The following HPS3 variants were observed in gnomAD, a reference collection of about 807,000 sequenced individuals.
HPS3 encodes BLOC-2 complex member HPS3.
A neutral mutation model predicts 110.9 loss-of-function variants in HPS3; 79 were observed. The ratio of observed to expected loss-of-function variants is 0.71; its 90% confidence interval spans 0.59 to 0.86. The LOEUF (loss-of-function observed/expected upper bound fraction) is 0.86. HPS3 is among the 40% of genes least tolerant of loss of function. The pLI, the probability that HPS3 is intolerant of heterozygous loss-of-function variation, is 0.00. For missense variants in HPS3, 1,197 were observed against 1,206.2 expected, an observed-to-expected ratio of 0.99 and a Z score of 0.11; for synonymous variants, 428 against 451.0, an observed-to-expected ratio of 0.95 and a Z score of 0.65.
At position 149,167,170 on chromosome 3, in the gene HPS3, A is replaced by T. The variant is rs1235325378; in HGVS notation, c.2726A>T (p.Asp909Val). 1 of 1,613,878 alleles carries T rather than the reference A, an allele frequency of 6.2e-7. No homozygotes were observed. The highest frequency in any genetic ancestry group is 2.2e-5 in the East Asian group (1 of 44,872). The change falls in exon 15 of 17, where the codon GAC (aspartate) becomes GTC (valine). Residue 909 changes from aspartate (D) to valine (V), a missense_variant. Physicochemically the swap from Asp to Val is radical, Grantham distance 152. Coordinates refer to ENST00000296051, the MANE Select transcript of HPS3 (RefSeq NM_032383.5). ...TTGAAAGAGTATGAACAGTGCATAG[A>T]CATACTGTTAGAGAGATGCCCGGAG... The part of the protein sequence containing the change: ...TRLKEYEQCI[D>V]ILLERCPEAV...
intron 5 of HPS3, among the ~76,000 whole-genome samples, chr3:149,148,885 T>G (rs534068776): frequency 6.6e-6 from 1 of 152,012 alleles, no homozygotes; most frequent in African/African-American, 2.4e-5. Context: ...CATTTCTGCT[T>G]AGGATTCCAA....
Position 149,153,379 on chromosome 3 carries a change from T to TGGGTATGGGATGGTGGCAGC in HPS3, c.1246-114_1246-95dup, listed in dbSNP as rs1576681458. On this transcript the variant is annotated intron_variant, in intron 6 of 16. Transcript: ENST00000296051. ...TTGTTTGTTTGTTTTTTGGTGGTGG[T>TGGGTATGGGATGGTGGCAGC]GGGTATGGGATGGTGGCAGCAGAAG... 7 of 861,448 alleles carry TGGGTATGGGATGGTGGCAGC rather than the reference T, an allele frequency of 8.1e-6. No homozygotes were observed. The East Asian group carries it at 1.7e-4, about 21-fold the overall frequency. The allele number at this position is 861,448 out of a possible 1,614,324, so 53.4% of individuals were successfully genotyped here.
chr3:149,160,573 C>CTGGCATGA (rs1285401751), intron 11 of HPS3, among the ~76,000 whole-genome samples: 3 of 152,206 alleles, frequency 2.0e-5, no homozygotes, highest in Non-Finnish European at 2.9e-5. Context: ...ACGATGTGAT[C>CTGGCATGA]TGGCATGAGG....
At chr3:149,156,915 A>C (rs1309541865) in intron 8 of HPS3, among the ~76,000 whole-genome samples, 1 of 152,200 alleles carries the variant, frequency 6.6e-6, no homozygotes, top group Non-Finnish European at 1.5e-5. Flanking sequence ...AAATAGATGT[A>C]GTAGAGCCTA....
intron 1 of HPS3, among the ~76,000 whole-genome samples, chr3:149,131,140 AC>A (rs199514507): frequency 0.065 from 8,817 of 135,700 alleles, 462 homozygotes; most frequent in African/African-American, 0.14. Flanking sequence ...AAAAAAAAAA[AC>A]AAAAAGTTGA....
chr3:149,133,941 C>G (rs1232601898), intron 1 of HPS3, among the ~76,000 whole-genome samples: 7 of 151,494 alleles, frequency 4.6e-5, no homozygotes, highest in Non-Finnish European at 7.4e-5. Flanking sequence ...TTGCGGTGGT[C>G]TGGAAGCAAT....
rs748883997 is a variant in HPS3 at position 149,140,187 on chromosome 3, AG to A, written c.403del (p.Ala135ProfsTer10). 9.3e-6 allele frequency: 15 copies of A among 1,614,112 alleles called. No homozygotes were observed. The South Asian group carries it at 1.5e-4, about 17-fold the overall frequency. ...QMYIIEMPLS[E>X]APLCISCCPV... ...TACATTATTGAAATGCCGCTTTCGGAGGCCCCCTTGTGCATTTCCTGTTGCC... is the reference window on the plus strand; with the variant it reads ...TACATTATTGAAATGCCGCTTTCGGAGCCCCCTTGTGCATTTCCTGTTGCC... On this transcript the variant is annotated frameshift_variant, in exon 2 of 17. Transcript: ENST00000296051. LOFTEE classifies it high-confidence loss of function.
Position 149,162,730 on chromosome 3 carries a change from T to C in HPS3, c.2333T>C (p.Leu778Ser). The C allele has an allele frequency of 5.0e-6, 8 of 1,614,110 alleles. No homozygotes were observed. Among genetic ancestry groups the C allele is most frequent in the Non-Finnish European group, 6.8e-6 (8 of 1,179,974 alleles). ...GATGAAGATACAATTCCTCAGCTCTTGGTAGACTTTTGGGAAGCTCAGCTA... is the reference window on the plus strand; with the variant it reads ...GATGAAGATACAATTCCTCAGCTCTCGGTAGACTTTTGGGAAGCTCAGCTA... The part of the protein sequence containing the change: ...AKDEDTIPQL[L>S]VDFWEAQLVA... The change falls in exon 13 of 17, where the codon TTG becomes TCG. Residue 778 changes from leucine (L) to serine (S), a missense_variant. Coordinates refer to ENST00000296051, the MANE Select transcript of HPS3 (RefSeq NM_032383.5).
Position 149,172,387 on chromosome 3 carries a change from C to T in HPS3, c.*165C>T, listed in dbSNP as rs1341116068. 1 of 597,692 alleles carries T rather than the reference C, an allele frequency of 1.7e-6. No individual in the cohort carries two copies. The highest frequency in any genetic ancestry group is 1.9e-5 in the African/African-American group (1 of 52,802). The allele number at this position is 597,692 out of a possible 1,614,324, so 37.0% of individuals were successfully genotyped here. A position where few individuals can be genotyped will look rare whatever the true frequency, so the allele number is the denominator to read the frequency against. On this transcript the variant is annotated 3_prime_UTR_variant, in exon 17 of 17. Transcript: ENST00000296051. ...GATACAAATGCTTTCAGGCTGCTTA[C>T]CTTACCGTGTAGTGGTAACTATTCA... is the stretch of plus-strand genomic sequence containing the variant.
chr3:149,145,562 C>A lies in HPS3; in HGVS notation c.1163+16C>A. 6.2e-7 allele frequency: 1 copy of A among 1,604,894 alleles called. No individual in the cohort carries two copies. The highest frequency in any genetic ancestry group is 1.1e-5 in the South Asian group (1 of 90,872). ...TCATTACAAGGTACTGTTAGAGGGTCACTTGCTGGCCTGTGAGTCACTTAT... is the reference window on the plus strand; with the variant it reads ...TCATTACAAGGTACTGTTAGAGGGTAACTTGCTGGCCTGTGAGTCACTTAT... On this transcript the variant is annotated intron_variant, in intron 5 of 16. Coordinates refer to ENST00000296051, the MANE Select transcript of HPS3 (RefSeq NM_032383.5).
At chr3:149,162,413 G>A (rs1559922874) in intron 12 of HPS3, 80 bp downstream of exon 12, 1 of 1,320,016 alleles carries the variant, frequency 7.6e-7, no homozygotes, top group Non-Finnish European at 1.1e-6. Context: ...AGAGAAGTGA[G>A]TTTTTCATTT....
chr3:149,150,623 G>T lies in HPS3; in HGVS notation c.1188G>T (p.Val396=), dbSNP rs1723044020. 1 of 1,614,080 alleles carries T rather than the reference G, an allele frequency of 6.2e-7. No individual in the cohort carries two copies. The highest frequency in any genetic ancestry group is 8.5e-7 in the Non-Finnish European group (1 of 1,179,978). ...GTAACAACCTGCAGTGTTTCACTGT[G>T]CGGTGCAGTGCGGCGGCAGCTCGTG... ...ITSNNLQCFT[V]RCSAAAAREE... The change falls in exon 6 of 17, where the codon GTG becomes GTT. Residue 396 remains valine (V), a synonymous_variant. Transcript: ENST00000296051.
chr3:149,129,905 T>C lies in HPS3; in HGVS notation c.182T>C (p.Leu61Pro), dbSNP rs2108112412. 1 of 1,572,820 alleles carries C rather than the reference T, an allele frequency of 6.4e-7. No homozygotes were observed. The highest frequency in any genetic ancestry group is 8.6e-7 in the Non-Finnish European group (1 of 1,165,842). Residue 61 changes from leucine (L) to proline (P), a missense_variant, in exon 1 of 17, where the codon CTG (leucine) becomes CCG (proline). Leu to Pro is a moderately conservative substitution (Grantham distance 98). Coordinates refer to ENST00000296051, the MANE Select transcript of HPS3 (RefSeq NM_032383.5). ...CAGCCGCGGTGCGCCTTCTCCACGC[T>C]GGGCCGGGTGTTGCGCCTGGCCTAC... ...LCQPRCAFSTLGRVLRLAYSE... is the reference protein window; with the variant it reads ...LCQPRCAFSTPGRVLRLAYSE...
At chr3:149,139,923 C>T in intron 1 of HPS3, 81 bp from the exon 2 acceptor site, 1 of 1,278,370 alleles carries the variant, frequency 7.8e-7, no homozygotes, top group East Asian at 2.3e-5. Flanking sequence ...TGTTAGAATT[C>T]ATTAATAGTA....
chr3:149,167,322 G>T, intron 15 of HPS3, 82 bp downstream of exon 15: 1 of 1,103,392 alleles, frequency 9.1e-7, no homozygotes, highest in South Asian at 1.3e-5. Flanking sequence ...TGCAAAATGG[G>T]GACAATTTAT....
chr3:149,146,659 T>G (rs1722793638), intron 5 of HPS3, among the ~76,000 whole-genome samples: 1 of 152,190 alleles, frequency 6.6e-6, no homozygotes, highest in Admixed American at 6.5e-5. Flanking sequence ...ATATCCACTC[T>G]TAGTGGTTGC....
chr3:149,134,524 G>T (rs1721964738), intron 1 of HPS3, among the ~76,000 whole-genome samples: 1 of 152,332 alleles, frequency 6.6e-6, no homozygotes, highest in East Asian at 1.9e-4. Context: ...TTACCTGTCG[G>T]ATCCTTGGAT....
At chr3:149,162,608 A>T (rs1354148884) in intron 12 of HPS3, 82 bp from the exon 13 acceptor site, 2 of 1,384,926 alleles carry the variant, frequency 1.4e-6, no homozygotes, top group African/African-American at 2.8e-5. Flanking sequence ...GGCCCATGTG[A>T]TGCTGTGATA....
At chr3:149,170,410 G>A (rs1724857838) in intron 16 of HPS3, 1 of 152,208 alleles carries the variant, frequency 6.6e-6, no homozygotes, top group South Asian at 2.1e-4. Context: ...TTGCAAGCTA[G>A]TTAGTAGTTG....
Sources: allele counts gnomAD v4.1 joint callset (sites outside exome capture counted in the v4.1 genomes callset), GRCh38; gene constraint gnomAD v4.1.1; transcripts MANE v1.5; gene names NCBI Gene and HGNC (gene_info 2026-07-23, HGNC 2026-07-21).